The following CELSR2 variants were observed in gnomAD, a reference collection of about 807,000 sequenced individuals.
The protein encoded by CELSR2 is EGF-like protein 2.
Under a neutral mutation model 251.6 loss-of-function variants are expected in CELSR2, and 81 were observed. That is an observed-to-expected ratio of 0.32 (90% CI 0.27 to 0.39). The LOEUF (loss-of-function observed/expected upper bound fraction) is 0.39. Among genes scored for constraint, CELSR2 ranks in the 10% least tolerant of loss-of-function variants. The probability of loss-of-function intolerance (pLI) is 1.00; values close to 1 mark genes in which losing one functional copy is unlikely to be tolerated. For missense variants in CELSR2, 3,365 were observed against 3,947.7 expected (o/e 0.85, Z 3.96); for synonymous variants, 1,721 against 1,670.5 (o/e 1.03, Z -0.74).
Position 109,257,825 on chromosome 1 carries a change from A to G in CELSR2, c.3311-607A>G, listed in dbSNP as rs559110317. Among the ~76,000 whole-genome samples the G allele has an allele frequency of 2.1e-4, 32 of 152,342 alleles. No homozygotes were observed. The South Asian group carries it at 6.4e-3, about 31-fold the overall frequency. On this transcript the variant is annotated intron_variant, in intron 1 of 33. Coordinates refer to ENST00000271332, the MANE Select transcript of CELSR2 (RefSeq NM_001408.3). ...GGGTGGGGCCCCCCAGGCTACCCACAGCAGCCCAGAGAGTTGGGCGGGAAG... is the reference window on the plus strand; with the variant it reads ...GGGTGGGGCCCCCCAGGCTACCCACGGCAGCCCAGAGAGTTGGGCGGGAAG...
Position 109,261,021 on chromosome 1 carries a change from C to G in CELSR2, c.3959-21C>G. ...CCTGTCCTCAGGTACTTGGTACTCA[C>G]CTGCCTTTCCTCTTGTCCAGGTGAG... On this transcript the variant is annotated intron_variant, in intron 2 of 33. Coordinates refer to ENST00000271332, the MANE Select transcript of CELSR2 (RefSeq NM_001408.3). The surrounding 1 kb of genome is among the most constrained non-coding windows in gnomAD (Gnocchi z 4.8). 1 of 1,585,610 alleles carries G rather than the reference C, an allele frequency of 6.3e-7. No homozygotes were observed. Among genetic ancestry groups the G allele is most frequent in the Non-Finnish European group, 8.6e-7 (1 of 1,160,278 alleles).
intron 1 of CELSR2, among the ~76,000 whole-genome samples, chr1:109,258,123 A>C (rs1453453029): frequency 1.3e-5 from 2 of 152,072 alleles, no homozygotes; most frequent in African/African-American, 2.4e-5. Context: ...AAAAGACAAC[A>C]TAGGGTTCCC....
chr1:109,260,999 G>T, intron 2 of CELSR2, 43 bp from the exon 3 acceptor site: 1 of 1,497,732 alleles, frequency 6.7e-7, no homozygotes, highest in Non-Finnish European at 9.2e-7. Flanking sequence ...TTCCCCTCCT[G>T]TCCTCAGGTA....
In CELSR2 at chr1:109,264,336, G is replaced by A; in HGVS notation, c.5260G>A (p.Val1754Met). Residue 1754 changes from valine to methionine, a missense_variant, in exon 10 of 34, where the codon GTG becomes ATG. By Grantham distance (21) the Val-to-Met change is conservative (BLOSUM62 1). This residue lies in a region of CELSR2 where 2,093 missense variants were observed against 2,382.8 expected (regional missense o/e 0.88). Transcript: ENST00000271332. Reference sequence around the variant, plus strand: ...CGGAATACCTGGGCCAGCCGGCGGTGTGGCCCGTGGCTTTCGGGGCTGTTT... The same window carrying A: ...CGGAATACCTGGGCCAGCCGGCGGTATGGCCCGTGGCTTTCGGGGCTGTTT... ...VGGIPGPAGG[V>M]ARGFRGCLQG... 3.1e-6 allele frequency: 5 copies of A among 1,609,866 alleles called. No homozygotes were observed. Among genetic ancestry groups the A allele is most frequent in the Non-Finnish European group, 4.2e-6 (5 of 1,176,878 alleles).
Position 109,252,114 on chromosome 1 carries a change from C to A in CELSR2, c.2035C>A (p.Arg679=), listed in dbSNP as rs1348122952. The change falls in exon 1 of 34, where the codon CGG becomes AGG. Residue 679 remains arginine, a synonymous_variant. Coordinates refer to ENST00000271332, the MANE Select transcript of CELSR2 (RefSeq NM_001408.3). This position sits in a 1 kb window ranked among gnomAD's most constrained non-coding sequence, Gnocchi z 4.8. ...CCTGCCACTGGACTACAAACTTGAG[C>A]GGCAGTATGTGTTGGCTGTTACCGC... ...LALPLDYKLE[R]QYVLAVTASD... 1 of 1,614,102 alleles carries A rather than the reference C, an allele frequency of 6.2e-7. No homozygotes were observed.
chr1:109,255,899 G>A (rs887024526), intron 1 of CELSR2, among the ~76,000 whole-genome samples: 14 of 152,258 alleles, frequency 9.2e-5, no homozygotes, highest in African/African-American at 3.4e-4. Context: ...GGAAGCAACA[G>A]AGACATGCTG....
intron 1 of CELSR2, among the ~76,000 whole-genome samples, chr1:109,257,103 C>G (rs745362815): frequency 1.8e-4 from 28 of 152,080 alleles, no homozygotes; most frequent in Non-Finnish European, 3.7e-4. Context: ...GCCTGTAATC[C>G]CAGTGCTCTA....
chr1:109,261,293 G>T lies in CELSR2; in HGVS notation c.4181+29G>T, dbSNP rs377294092. The T allele has an allele frequency of 4.0e-5, 64 of 1,591,650 alleles. No individual in the cohort carries two copies. Among genetic ancestry groups the T allele is most frequent in the South Asian group, 2.6e-4 (23 of 89,858 alleles). On this transcript the variant is annotated intron_variant, in intron 3 of 33. Coordinates refer to ENST00000271332, the MANE Select transcript of CELSR2 (RefSeq NM_001408.3). The surrounding 1 kb of genome is among the most constrained non-coding windows in gnomAD (Gnocchi z 4.8). ...AGTGGCTGGGCACTGGGGGTGGGGA[G>T]TGGGCCTGGTGGGCATCTGAGGTGC... is the stretch of plus-strand genomic sequence containing the variant.
At chr1:109,263,399 C>T (rs1656082352) in intron 8 of CELSR2, 132 bp downstream of exon 8, 2 of 1,422,426 alleles carry the variant, frequency 1.4e-6, no homozygotes, top group Admixed American at 5.3e-5. Context: ...CTGGGCAGAG[C>T]CCTGAAAGGG....
At position 109,253,154 on chromosome 1, in the gene CELSR2, C is replaced by T; in HGVS notation, c.3075C>T (p.Asn1025=). ...ATGACAACCCACCAGTGCTGGGCAA[C>T]TTTGAGATCCTTTTCAACAACTATG... ...DRNDNPPVLG[N]FEILFNNYVT... The change falls in exon 1 of 34, where the codon AAC becomes AAT. Residue 1025 remains asparagine (N), a synonymous_variant. Coordinates refer to ENST00000271332, the MANE Select transcript of CELSR2 (RefSeq NM_001408.3). The T allele has an allele frequency of 6.2e-7, 1 of 1,613,776 alleles. No homozygotes were observed. The highest frequency in any genetic ancestry group is 1.7e-5 in the Admixed American group (1 of 60,032).
chr1:109,267,674 C>T (rs778255798), intron 16 of CELSR2, 32 bp downstream of exon 16: 1 of 1,611,176 alleles, frequency 6.2e-7, no homozygotes, highest in Non-Finnish European at 8.5e-7. Flanking sequence ...CATCTTTTCC[C>T]TGTCCTTCGT....
chr1:109,251,376 G>A lies in CELSR2; in HGVS notation c.1297G>A (p.Val433Met), dbSNP rs760119454. Residue 433 changes from valine to methionine, a missense_variant, in exon 1 of 34, where the codon GTG becomes ATG. This residue lies in a region of CELSR2 where 704 missense variants were observed against 784.1 expected (regional missense o/e 0.90). Coordinates refer to ENST00000271332, the MANE Select transcript of CELSR2 (RefSeq NM_001408.3). This position sits in a 1 kb window ranked among gnomAD's most constrained non-coding sequence, Gnocchi z 4.9. Reference protein sequence around the residue: ...ASDRDKGSNAVVHYSIMSGNA... With the variant: ...ASDRDKGSNAMVHYSIMSGNA... ...GGATCGAGACAAGGGGAGCAATGCCGTGGTGCACTATAGCATCATGAGTGG... is the reference window on the plus strand; with the variant it reads ...GGATCGAGACAAGGGGAGCAATGCCATGGTGCACTATAGCATCATGAGTGG... 97 of 1,613,976 alleles carry A rather than the reference G, an allele frequency of 6.0e-5. No individual in the cohort carries two copies. The highest frequency in any genetic ancestry group is 4.9e-4 in the Middle Eastern group (3 of 6,084).
chr1:109,264,042 G>A lies in CELSR2; in HGVS notation c.5002-36G>A, dbSNP rs375933005. Reference sequence around the variant, plus strand: ...GAGCTGGAGAACAGTGATTAAGGCCGTCTGCTGACCCTGTTTTCTTTCCTC... The same window carrying A: ...GAGCTGGAGAACAGTGATTAAGGCCATCTGCTGACCCTGTTTTCTTTCCTC... On this transcript the variant is annotated intron_variant, in intron 9 of 33. Coordinates refer to ENST00000271332, the MANE Select transcript of CELSR2 (RefSeq NM_001408.3). 788 of 1,540,546 alleles carry A rather than the reference G, an allele frequency of 5.1e-4. 2 individuals carry two copies. The highest frequency in any genetic ancestry group is 5.5e-4 in the Non-Finnish European group (633 of 1,141,222).
Position 109,261,049 on chromosome 1 carries a change from C to T in CELSR2, c.3966C>T (p.His1322=). 6.2e-7 allele frequency: 1 copy of T among 1,611,068 alleles called. No individual in the cohort carries two copies. Among genetic ancestry groups the T allele is most frequent in the Non-Finnish European group, 8.5e-7 (1 of 1,178,194 alleles). The change falls in exon 3 of 34, where the codon CAC becomes CAT. Residue 1322 remains histidine (H), a synonymous_variant. Coordinates refer to ENST00000271332, the MANE Select transcript of CELSR2 (RefSeq NM_001408.3). The surrounding 1 kb of genome is among the most constrained non-coding windows in gnomAD (Gnocchi z 4.8). ...CLCRDGYTGE[H]CEVSARSGRC... is the part of the protein sequence containing the mutation. Reference sequence around the variant, plus strand: ...GCCTTTCCTCTTGTCCAGGTGAGCACTGTGAGGTGAGTGCTCGCTCAGGCC... The same window carrying T: ...GCCTTTCCTCTTGTCCAGGTGAGCATTGTGAGGTGAGTGCTCGCTCAGGCC...
At position 109,266,003 on chromosome 1, in the gene CELSR2, C is replaced by CAGGCCTGGGG. The variant is rs545769337; in HGVS notation, c.5912-85_5912-76dup. The CAGGCCTGGGG allele has an allele frequency of 7.0e-6, 11 of 1,581,650 alleles. No homozygotes were observed. In the East Asian group the frequency reaches 1.4e-4, roughly 19 times the overall value. On this transcript the variant is annotated intron_variant, in intron 14 of 33. Transcript: ENST00000271332. ...AGGAAAGCCAGGAAGGGGCTGGTTG[C>CAGGCCTGGGG]AGGCCTGGGGAGGCCTGGGGAGGCC...
At position 109,251,929 on chromosome 1, in the gene CELSR2, T is replaced by C. The variant is rs1655703945; in HGVS notation, c.1850T>C (p.Val617Ala). Residue 617 changes from valine (V) to alanine (A), a missense_variant, in exon 1 of 34, where the codon GTG becomes GCG. By Grantham distance (64) the Val-to-Ala change is moderately conservative. Transcript: ENST00000271332. The surrounding 1 kb of genome is among the most constrained non-coding windows in gnomAD (Gnocchi z 4.9). The stretch of plus-strand genomic sequence containing the variant: ...ACCTTTACCCAACCAGAGTACACAG[T>C]GCGGCTCAATGAGGATGCAGCTGTG... ...NPTFTQPEYTVRLNEDAAVGT... is the reference protein window; with the variant it reads ...NPTFTQPEYTARLNEDAAVGT... The C allele has an allele frequency of 1.9e-6, 3 of 1,613,972 alleles. No individual in the cohort carries two copies. Among genetic ancestry groups the C allele is most frequent in the Non-Finnish European group, 1.7e-6 (2 of 1,180,022 alleles).
rs769640761 is a variant in CELSR2 at position 109,251,296 on chromosome 1, T to G, written c.1217T>G (p.Val406Gly). ...APQFSEKRYV[V>G]QVREDVTPGA... is the part of the protein sequence containing the mutation. ...CAGTTTAGTGAGAAGCGCTATGTGGTCCAGGTGAGGGAGGATGTGACTCCA... is the reference window on the plus strand; with the variant it reads ...CAGTTTAGTGAGAAGCGCTATGTGGGCCAGGTGAGGGAGGATGTGACTCCA... The change falls in exon 1 of 34, where the codon GTC becomes GGC. Residue 406 changes from valine to glycine, a missense_variant. Val to Gly is a moderately radical substitution (Grantham distance 109). This residue lies in a region of CELSR2 where 704 missense variants were observed against 784.1 expected (regional missense o/e 0.90). Coordinates refer to ENST00000271332, the MANE Select transcript of CELSR2 (RefSeq NM_001408.3). The surrounding 1 kb of genome is among the most constrained non-coding windows in gnomAD (Gnocchi z 4.9). 6.2e-7 allele frequency: 1 copy of G among 1,614,058 alleles called. No individual in the cohort carries two copies. Among genetic ancestry groups the G allele is most frequent in the South Asian group, 1.1e-5 (1 of 91,082 alleles).
chr1:109,266,662 C>T (rs964345846), intron 15 of CELSR2, among the ~76,000 whole-genome samples: 12 of 148,078 alleles, frequency 8.1e-5, no homozygotes, highest in African/African-American at 1.7e-4. Flanking sequence ...CCGCCTGCCT[C>T]GGCCTCCCAA....
chr1:109,262,286 G>T lies in CELSR2; in HGVS notation c.4387-1G>T. On this transcript the variant is annotated splice_acceptor_variant, in intron 5 of 33. Coordinates refer to ENST00000271332, the MANE Select transcript of CELSR2 (RefSeq NM_001408.3). LOFTEE classifies it high-confidence loss of function. ...CCTTCTCTGCTCTTTCCTGTCCACA[G>T]CCACTGTTGGGTCAGACAGGGCTCC... 6.2e-7 allele frequency: 1 copy of T among 1,613,696 alleles called. No individual in the cohort carries two copies. The highest frequency in any genetic ancestry group is 8.5e-7 in the Non-Finnish European group (1 of 1,179,980).
Sources: allele counts gnomAD v4.1 joint callset (sites outside exome capture counted in the v4.1 genomes callset), GRCh38; gene constraint gnomAD v4.1.1; regional missense constraint gnomAD v4.1.1; non-coding constraint Gnocchi (gnomAD v3.1); transcripts MANE v1.5; gene names NCBI Gene and HGNC (gene_info 2026-07-23, HGNC 2026-07-21).